CRISP2: variants seen among roughly 807,000 people sequenced by gnomAD.
The protein encoded by CRISP2 is cysteine rich secretory protein 2.
CRISP2 carries 29 observed loss-of-function variants against 31.7 expected under a neutral mutation model. The observed-to-expected ratio is 0.92, with a 90% CI of 0.68 to 1.25. CRISP2 has a LOEUF of 1.25. CRISP2 is among the 50% of genes most tolerant of loss of function. CRISP2 has a pLI of 0.00. For synonymous variants in CRISP2, 111 were observed against 101.4 expected (o/e 1.09, Z -0.57); for missense variants, 318 against 286.5 (o/e 1.11, Z -0.79).
At chr6:49,697,366 T>C (rs1764941800) in intron 8 of CRISP2, among the ~76,000 whole-genome samples, 1 of 151,146 alleles carries the variant, frequency 6.6e-6, no homozygotes, top group African/African-American at 2.5e-5. Flanking sequence ...GCCATTGAAA[T>C]CCAAATGAAT....
downstream of CRISP2, among the ~76,000 whole-genome samples, chr6:49,690,718 G>A (rs1764022278): frequency 1.3e-5 from 2 of 151,826 alleles, no homozygotes; most frequent in Admixed American, 1.3e-4. Context: ...CATTTTCGTT[G>A]GTTAAAAAGG....
At position 49,692,493 on chromosome 6, in the gene CRISP2, T is replaced by A. The variant is rs751628883; in HGVS notation, c.*280A>T. The A allele has an allele frequency of 2.1e-5, 5 of 240,298 alleles. No homozygotes were observed. Among genetic ancestry groups the A allele is most frequent in the African/African-American group, 4.5e-5 (2 of 44,670 alleles). The allele number at this position is 240,298 out of a possible 1,614,324, so 14.9% of individuals were successfully genotyped here. On this transcript the variant is annotated 3_prime_UTR_variant, in exon 10 of 10. Coordinates refer to ENST00000339139, the MANE Select transcript of CRISP2 (RefSeq NM_003296.4). ...GCACCATTTTGATCCAAAGTCCTAG[T>A]GACCTAAATCCTATGGTTATACAGT... is the stretch of plus-strand genomic sequence containing the variant.
At chr6:49,696,329 G>C (rs1041618300) in intron 8 of CRISP2, among the ~76,000 whole-genome samples, 2 of 152,028 alleles carry the variant, frequency 1.3e-5, no homozygotes, top group Non-Finnish European at 2.9e-5. Context: ...GGCAGGAAAT[G>C]AATATGCAAT....
At chr6:49,701,053 G>T (rs999290990) in intron 4 of CRISP2, among the ~76,000 whole-genome samples, 2 of 152,002 alleles carry the variant, frequency 1.3e-5, no homozygotes, top group African/African-American at 4.8e-5. Flanking sequence ...TAAAGCTTTG[G>T]GAATTGTGAG....
At position 49,695,917 on chromosome 6, in the gene CRISP2, T is replaced by G. The variant is rs745568983; in HGVS notation, c.523A>C (p.Asn175His). 1 of 1,609,012 alleles carries G rather than the reference T, an allele frequency of 6.2e-7. No homozygotes were observed. ...TACGGGGTATTCTTTCTATTCATAT[T>G]ATTACCACTGAAATTTGAAATACAT... The part of the protein sequence containing the change: ...YVCQYCPAGN[N>H]MNRKNTPYQQ... The change falls in exon 9 of 10, where the codon AAT (asparagine) becomes CAT (histidine). Residue 175 changes from asparagine to histidine, a missense_variant. Physicochemically the swap from Asn to His is moderately conservative, Grantham distance 68. Transcript: ENST00000339139.
chr6:49,684,999 G>A, the CRISP2 span, among the ~76,000 whole-genome samples: 1 of 152,154 alleles, frequency 6.6e-6, no homozygotes, highest in African/African-American at 2.4e-5. Flanking sequence ...GCTCTGGGAT[G>A]CTAAGGACTC....
At chr6:49,681,081 T>A in the CRISP2 span, among the ~76,000 whole-genome samples, 14 of 152,330 alleles carry the variant, frequency 9.2e-5, no homozygotes, top group African/African-American at 3.4e-4. Context: ...GCCTATGCCC[T>A]AAATGGTATT....
the CRISP2 span, among the ~76,000 whole-genome samples, chr6:49,683,079 A>C: frequency 6.6e-6 from 1 of 151,604 alleles, no homozygotes; most frequent in African/African-American, 2.4e-5. Context: ...AATTGCTTGA[A>C]CCCGGAAGGC....
chr6:49,714,086 T>C (rs932111536), upstream of CRISP2, among the ~76,000 whole-genome samples: 4 of 152,164 alleles, frequency 2.6e-5, no homozygotes, highest in African/African-American at 9.7e-5. Context: ...ACAACTCTTA[T>C]GAAAATACGC....
chr6:49,704,320 C>T (rs187505278), intron 4 of CRISP2, among the ~76,000 whole-genome samples: 1 of 152,182 alleles, frequency 6.6e-6, no homozygotes, highest in African/African-American at 2.4e-5. Context: ...CCTTGAGAAG[C>T]TTAATAATTA....
intron 9 of CRISP2, among the ~76,000 whole-genome samples, chr6:49,693,607 C>A (rs1764260758): frequency 6.6e-6 from 1 of 152,184 alleles, no homozygotes; most frequent in Admixed American, 6.5e-5. Context: ...GCAGTGATCT[C>A]CCTGCACCAC....
chr6:49,713,401 C>G (rs997098721), intron 1 of CRISP2, 74 bp downstream of exon 1: 3 of 152,264 alleles, frequency 2.0e-5, no homozygotes, highest in Admixed American at 1.3e-4. Flanking sequence ...CTCACCTCAA[C>G]GATGGTTCTC....
At chr6:49,704,396 C>G (rs1324950004) in intron 4 of CRISP2, among the ~76,000 whole-genome samples, 1 of 152,022 alleles carries the variant, frequency 6.6e-6, no homozygotes, top group East Asian at 1.9e-4. Context: ...TTATGGTGAG[C>G]TAGTGTGATC....
At chr6:49,691,933 TA>T (rs1261744225), downstream of CRISP2, among the ~76,000 whole-genome samples, 3 of 152,058 alleles carry the variant, frequency 2.0e-5, no homozygotes, top group Non-Finnish European at 4.4e-5. Context: ...TTTCCACTTT[TA>T]AAAAAAGTTT....
At chr6:49,684,774 T>G in the CRISP2 span, among the ~76,000 whole-genome samples, 23 of 152,214 alleles carry the variant, frequency 1.5e-4, no homozygotes, top group African/African-American at 4.8e-4. Flanking sequence ...TTTTTATATG[T>G]GGATGTGTTT....
the CRISP2 span, among the ~76,000 whole-genome samples, chr6:49,681,553 A>G: frequency 0.15 from 22,864 of 152,216 alleles, 1,792 homozygotes; most frequent in African/African-American, 0.19. Flanking sequence ...ATAGATTTAT[A>G]AAACAGAATC....
intron 4 of CRISP2, among the ~76,000 whole-genome samples, chr6:49,701,119 G>A (rs1765598922): frequency 1.3e-5 from 2 of 151,978 alleles, no homozygotes. Context: ...GCCGATTTCT[G>A]GTTTCAAGGG....
chr6:49,692,772 A>G lies in CRISP2; in HGVS notation c.*1T>C. 2 of 1,612,486 alleles carry G rather than the reference A, an allele frequency of 1.2e-6. No homozygotes were observed. The highest frequency in any genetic ancestry group is 1.7e-6 in the Non-Finnish European group (2 of 1,178,850). On this transcript the variant is annotated 3_prime_UTR_variant, in exon 10 of 10. Transcript: ENST00000339139. Reference sequence around the variant, plus strand: ...GTCTTGCACAATGCTCACTAGGTAAATCAGTAAATTTTGTTCTCACATAGG... The same window carrying G: ...GTCTTGCACAATGCTCACTAGGTAAGTCAGTAAATTTTGTTCTCACATAGG...
intron 7 of CRISP2, 90 bp downstream of exon 7, chr6:49,698,272 C>G: frequency 6.9e-7 from 1 of 1,446,940 alleles, no homozygotes. Context: ...GACTGTTCTC[C>G]TAAATTGAAC....
Sources: gnomAD v4.1 joint callset for allele counts (sites outside exome capture counted in the v4.1 genomes callset) on GRCh38, gnomAD v4.1.1 for gene constraint, MANE v1.5 for transcripts, NCBI Gene and HGNC (gene_info 2026-07-23, HGNC 2026-07-21) for gene names.